PSG9: variants seen among roughly 807,000 people sequenced by gnomAD.
PSG9 encodes pregnancy specific beta-1-glycoprotein 9, also known as pregnancy-specific beta-1-glycoprotein 9.
A neutral mutation model predicts 41.9 loss-of-function variants in PSG9; 49 were observed. The ratio of observed to expected loss-of-function variants is 1.17; its 90% CI spans 0.93 to 1.48. The LOEUF is 1.48. PSG9 is among the 40% of genes most tolerant of loss of function. PSG9 has a pLI of 0.00. For missense variants in PSG9, 641 were observed against 520.3 expected (o/e 1.23, Z -2.26); for synonymous variants, 263 against 196.8 (o/e 1.34, Z -2.82).
At position 43,255,175 on chromosome 19, in the gene PSG9, G is replaced by T. The variant is rs565219374; in HGVS notation, c.1244-1529C>A. 1.7e-4 allele frequency among the ~76,000 whole-genome samples: 25 copies of T among 144,076 alleles called. 4 individuals carry two copies. The highest frequency in any genetic ancestry group is 4.4e-4 in the South Asian group (2 of 4,554). 94.5% of individuals were successfully genotyped at this position (144,076 alleles called of 152,430 possible). A position where few individuals can be genotyped will look rare whatever the true frequency, so the allele number is the denominator to read the frequency against. On this transcript the variant is annotated intron_variant, in intron 5 of 5. Coordinates refer to ENST00000270077, the MANE Select transcript of PSG9 (RefSeq NM_002784.5). ...CTACCAATTCTAATAAAATAATGAT[G>T]ATGAAAGTACTATAAATAATTGTAT... is the stretch of plus-strand genomic sequence containing the variant.
rs146026908 is a variant in PSG9, at chr19:43,261,851, G to T, written c.709+9C>A. On this transcript the variant is annotated intron_variant, in intron 3 of 5. Coordinates refer to ENST00000270077, the MANE Select transcript of PSG9 (RefSeq NM_002784.5). ...CAGCCTGGCTCACAGAGGAACAGAA[G>T]ATACTCACGGAGGAGATTCAGGGTG... 0.042 allele frequency: 68,417 copies of T among 1,614,028 alleles called. 2,113 individuals are homozygous for T. Among genetic ancestry groups the T allele is most frequent in the Middle Eastern group, 0.063 (380 of 6,058 alleles).
Position 43,258,752 on chromosome 19 carries a change from G to A in PSG9, c.988+105C>T. 1.3e-6 allele frequency: 2 copies of A among 1,507,026 alleles called. 1 individual carries two copies. 93.4% of individuals were successfully genotyped at this position (1,507,026 alleles called of 1,614,324 possible). On this transcript the variant is annotated intron_variant, in intron 4 of 5. Transcript: ENST00000270077. ...TCATGGCCACCTCGGATGTCTAGAA[G>A]TAAAGGTGTCTATACTTGGACCGGA...
chr19:43,266,662 A>G (rs1451772878), intron 2 of PSG9, among the ~76,000 whole-genome samples: 1 of 152,092 alleles, frequency 6.6e-6, no homozygotes, highest in African/African-American at 2.4e-5. Flanking sequence ...TAATCAGCTG[A>G]CCATTTGCTC....
In PSG9 at chr19:43,262,010, G is replaced by C. The variant is rs778186849; in HGVS notation, c.559C>G (p.Leu187Val). The change falls in exon 3 of 6, where the codon CTC (leucine) becomes GTC (valine). Residue 187 changes from leucine to valine, a missense_variant. By Grantham distance (32) the Leu-to-Val change is conservative (BLOSUM62 1). Transcript: ENST00000270077. Reference sequence around the variant, plus strand: ...AGCTGCAACCTGTGAGTCACAGGGAGGCTCTGACCATTCATCCACCATAGG... The same window carrying C: ...AGCTGCAACCTGTGAGTCACAGGGACGCTCTGACCATTCATCCACCATAGG... ...SYLWWMNGQSLPVTHRLQLSK... is the reference protein window; with the variant it reads ...SYLWWMNGQSVPVTHRLQLSK... 17 of 1,613,918 alleles carry C rather than the reference G, an allele frequency of 1.1e-5. No individual in the cohort carries two copies. The highest frequency in any genetic ancestry group is 1.4e-5 in the Non-Finnish European group (17 of 1,179,938).
chr19:43,261,096 C>T (rs577543634), intron 3 of PSG9, among the ~76,000 whole-genome samples: 2 of 152,044 alleles, frequency 1.3e-5, no homozygotes, highest in Non-Finnish European at 2.9e-5. Flanking sequence ...TATTCCCTAT[C>T]CAGGGTTTTT....
At chr19:43,255,309 G>GA (rs1197558142) in intron 5 of PSG9, among the ~76,000 whole-genome samples, 4 of 145,952 alleles carry the variant, frequency 2.7e-5, no homozygotes, top group African/African-American at 1.0e-4. Flanking sequence ...AGCATTTGAT[G>GA]AATTCAATAT....
chr19:43,259,999 T>C (rs1968633819), intron 3 of PSG9: 1 of 146,980 alleles, frequency 6.8e-6, no homozygotes, highest in Non-Finnish European at 1.5e-5. Context: ...CTGCTGGAAA[T>C]CTGGTCCTCA....
chr19:43,264,158 A>G (rs1339212556), intron 2 of PSG9, among the ~76,000 whole-genome samples: 1 of 152,112 alleles, frequency 6.6e-6, no homozygotes, highest in East Asian at 1.9e-4. Flanking sequence ...CAGTAAAACC[A>G]TTAGATATCA....
rs1192624631 is a variant in PSG9, at chr19:43,269,462, G to A, written c.-31C>T. On this transcript the variant is annotated 5_prime_UTR_variant, in exon 1 of 6. Transcript: ENST00000270077. ...CTGCTGCCTGTGTGTTCTCCTCTGT[G>A]GAGATGAGCCTGGGATCCAGAAGCT... is the stretch of plus-strand genomic sequence containing the variant. The A allele has an allele frequency of 6.2e-7, 1 of 1,612,620 alleles. No homozygotes were observed. The highest frequency in any genetic ancestry group is 8.5e-7 in the Non-Finnish European group (1 of 1,179,070).
intron 3 of PSG9, among the ~76,000 whole-genome samples, chr19:43,260,976 A>G (rs945865824): frequency 6.6e-6 from 1 of 152,144 alleles, no homozygotes; most frequent in African/African-American, 2.4e-5. Flanking sequence ...GTGAATTGAA[A>G]TCCTTTCCTT....
intron 2 of PSG9, 106 bp from the exon 3 acceptor site, chr19:43,262,244 C>G: frequency 6.6e-7 from 1 of 1,520,984 alleles, no homozygotes; most frequent in South Asian, 1.3e-5. Context: ...CCAACCCAGT[C>G]CTTAAAAGCC....
rs1413917934 is a variant in PSG9, at chr19:43,259,092, G to A, written c.753C>T (p.Pro251=). 3.1e-6 allele frequency: 5 copies of A among 1,590,598 alleles called. 1 individual carries two copies. The highest frequency in any genetic ancestry group is 4.3e-6 in the Non-Finnish European group (5 of 1,174,436). Residue 251 remains proline, a synonymous_variant, in exon 4 of 6, where the codon CCC becomes CCT. Coordinates refer to ENST00000270077, the MANE Select transcript of PSG9 (RefSeq NM_002784.5). ...AGGCTAAGACATCCTTATTCTCCCT[G>A]GGGTTTAAGTTGTTGATGGTGATGT... The part of the protein sequence containing the change: ...IPYITINNLN[P]RENKDVLAFT...
intron 2 of PSG9, among the ~76,000 whole-genome samples, chr19:43,263,990 A>AT (rs1278829903): frequency 6.6e-6 from 1 of 152,124 alleles, no homozygotes; most frequent in East Asian, 1.9e-4. Flanking sequence ...TGCTTTCTTC[A>AT]TTTTCTCTTA....
intron 3 of PSG9, among the ~76,000 whole-genome samples, 182 bp downstream of exon 3, chr19:43,261,678 C>A (rs2074924): frequency 0.22 from 33,715 of 152,068 alleles, 4,288 homozygotes; most frequent in East Asian, 0.48. Context: ...AGCCTCTTTT[C>A]TCCCATTGTT....
chr19:43,259,881 G>A (rs941430593), intron 3 of PSG9: 1 of 147,090 alleles, frequency 6.8e-6, no homozygotes, highest in Non-Finnish European at 1.5e-5. Flanking sequence ...GGTTCTTTAA[G>A]TTTCCTCTCC....
Position 43,269,249 on chromosome 19 carries a change from C to G in PSG9, c.64+119G>C, listed in dbSNP as rs1969133052. 6 of 1,534,102 alleles carry G rather than the reference C, an allele frequency of 3.9e-6. No individual in the cohort carries two copies. In the East Asian group the frequency reaches 1.1e-4, roughly 29 times the overall value. ...TTGAACTCCTGATCTCGTGATCCAC[C>G]CACCTCAGCCTCCCTAAGAGCTGGC... is the stretch of plus-strand genomic sequence containing the variant. On this transcript the variant is annotated intron_variant, in intron 1 of 5. Transcript: ENST00000270077.
rs760576747 is a variant in PSG9, at chr19:43,261,882, G to A, written c.687C>T (p.Asp229=). ...CACGGAGGAGATTCAGGGTGACTGG[G>A]TCACTGCGACTGGCACTCACTGGGT... is the stretch of plus-strand genomic sequence containing the variant. The part of the protein sequence containing the change: ...IRNPVSASRS[D]PVTLNLLPKL... The change falls in exon 3 of 6, where the codon GAC becomes GAT. Residue 229 remains aspartate (D), a synonymous_variant. Transcript: ENST00000270077. The A allele has an allele frequency of 1.2e-5, 20 of 1,613,956 alleles. No homozygotes were observed. Among genetic ancestry groups the A allele is most frequent in the Non-Finnish European group, 1.5e-5 (18 of 1,179,946 alleles).
In PSG9 at chr19:43,259,057, T is replaced by C. The variant is rs1408866370; in HGVS notation, c.788A>G (p.Glu263Gly). Residue 263 changes from glutamate to glycine, a missense_variant, in exon 4 of 6, where the codon GAA becomes GGA. Transcript: ENST00000270077. ...GTAGGTGTAGTTCTCACTCTTAGGT[T>C]CACAGGTGAAGGCTAAGACATCCTT... The part of the protein sequence containing the change: ...ENKDVLAFTC[E>G]PKSENYTYIW... 1.3e-6 allele frequency: 2 copies of C among 1,590,408 alleles called. No homozygotes were observed. Among genetic ancestry groups the C allele is most frequent in the Admixed American group, 3.4e-5 (2 of 58,588 alleles).
In PSG9 at chr19:43,254,790, A is replaced by C. The variant is rs559903654; in HGVS notation, c.1244-1144T>G. Among the ~76,000 whole-genome samples, 113 of 146,208 alleles carry C rather than the reference A, an allele frequency of 7.7e-4. 17 individuals carry two copies. Among genetic ancestry groups the C allele is most frequent in the African/African-American group, 2.8e-3 (109 of 38,366 alleles). On this transcript the variant is annotated intron_variant, in intron 5 of 5. Coordinates refer to ENST00000270077, the MANE Select transcript of PSG9 (RefSeq NM_002784.5). ...AAGAGAAAAGTTTAAAATTACTCAA[A>C]TCAGAAATGAAAATGGACTCTGAGC...
Sources: gnomAD v4.1 joint callset for allele counts (sites outside exome capture counted in the v4.1 genomes callset) on GRCh38, gnomAD v4.1.1 for gene constraint, MANE v1.5 for transcripts, NCBI Gene and HGNC (gene_info 2026-07-23, HGNC 2026-07-21) for gene names.